MDM1: variants seen among roughly 807,000 people sequenced by gnomAD.
MDM1 encodes the protein stabilizer of axonemal microtubules 6.
Under a neutral mutation model 89.1 loss-of-function variants are expected in MDM1, and 61 were observed. The ratio of observed to expected loss-of-function variants is 0.68; its 90% CI spans 0.56 to 0.85. The LOEUF is 0.85. MDM1 is among the 40% of genes least tolerant of loss of function. The pLI, the probability that MDM1 is intolerant of heterozygous loss-of-function variation, is 0.00. For synonymous variants in MDM1, 290 were observed against 294.1 expected (o/e 0.99, Z 0.14); for missense variants, 820 against 846.5 (o/e 0.97, Z 0.39).
chr12:68,294,775 ATTATC>A lies in MDM1; in HGVS notation c.*474_*478del, dbSNP rs1565759787. On this transcript the variant is annotated 3_prime_UTR_variant, in exon 15 of 15. Coordinates refer to ENST00000682720, the MANE Select transcript of MDM1 (RefSeq NM_001354969.2). ...ATACAGCTGGTGTTTTCAAAGTACA[ATTATC>A]TTAACACTGCAAACATGTATAGAAG... 6.6e-6 allele frequency: 1 copy of A among 152,244 alleles called. No homozygotes were observed. Among genetic ancestry groups the A allele is most frequent in the African/African-American group, 2.4e-5 (1 of 41,458 alleles). 9.4% of individuals were successfully genotyped at this position (152,244 alleles called of 1,614,324 possible).
intron 1 of MDM1, 105 bp downstream of exon 1, chr12:68,332,123 G>C: frequency 6.7e-7 from 1 of 1,481,820 alleles, no homozygotes; most frequent in Admixed American, 2.0e-5. Context: ...AGCTTCCGCC[G>C]GGCAGAGGGC....
At chr12:68,326,239 C>T in intron 3 of MDM1, 2 of 1,138,312 alleles carry the variant, frequency 1.8e-6, no homozygotes, top group Non-Finnish European at 2.2e-6. Context: ...CTTCCTTTTG[C>T]ATTTCATCAA....
intron 2 of MDM1, 187 bp from the exon 3 acceptor site, chr12:68,327,208 AT>A: frequency 7.1e-7 from 1 of 1,398,922 alleles, no homozygotes; most frequent in Non-Finnish European, 9.3e-7. Context: ...AAAATATTTA[AT>A]TTTGCTTTTA....
chr12:68,323,881 G>GT (rs1875584453), intron 4 of MDM1, among the ~76,000 whole-genome samples: 1 of 152,150 alleles, frequency 6.6e-6, no homozygotes, highest in South Asian at 2.1e-4. Context: ...GATCTAAACA[G>GT]TTTATCTTTT....
chr12:68,300,710 T>C (rs1872031341), intron 13 of MDM1, among the ~76,000 whole-genome samples: 1 of 152,188 alleles, frequency 6.6e-6, no homozygotes, highest in Non-Finnish European at 1.5e-5. Flanking sequence ...GACATAATAA[T>C]AGCGAGTGAC....
intron 4 of MDM1, chr12:68,325,150 C>A (rs1280140861): frequency 9.8e-7 from 1 of 1,017,744 alleles, no homozygotes; most frequent in African/African-American, 1.7e-5. Flanking sequence ...GTAAAAAAAT[C>A]TTGTAGCATG....
At chr12:68,323,021 G>C in intron 5 of MDM1, 52 bp downstream of exon 5, 1 of 1,535,326 alleles carries the variant, frequency 6.5e-7, no homozygotes, top group Non-Finnish European at 8.8e-7. Flanking sequence ...AAAACGTGGA[G>C]AATCTAAAAT....
At chr12:68,316,505 C>CG in intron 8 of MDM1, 76 bp downstream of exon 8, 4 of 1,238,912 alleles carry the variant, frequency 3.2e-6, no homozygotes. Context: ...AAAATATTGA[C>CG]ACCTACTTTT....
chr12:68,312,623 A>C (rs1472289388), intron 12 of MDM1, among the ~76,000 whole-genome samples: 1 of 152,196 alleles, frequency 6.6e-6, no homozygotes, highest in East Asian at 1.9e-4. Flanking sequence ...TTGGAAAAAA[A>C]CTAAATAAAA....
In MDM1 at chr12:68,313,516, G is replaced by A. The variant is rs1873995475; in HGVS notation, c.1676C>T (p.Pro559Leu). The change falls in exon 12 of 15, where the codon CCT becomes CTT. Residue 559 changes from proline to leucine, a missense_variant. Physicochemically the swap from Pro to Leu is moderately conservative, Grantham distance 98. Transcript: ENST00000682720. ...TCTTTTCCTCTGTTCTGGGGCTGGA[G>A]GCTTCATCTTAGATGGAGACACTAA... ...AVLVSPSKMKPPAPEQRKRMT... is the reference protein window; with the variant it reads ...AVLVSPSKMKLPAPEQRKRMT... 6.2e-7 allele frequency: 1 copy of A among 1,613,930 alleles called. No individual in the cohort carries two copies. The highest frequency in any genetic ancestry group is 8.5e-7 in the Non-Finnish European group (1 of 1,179,890).
intron 7 of MDM1, among the ~76,000 whole-genome samples, chr12:68,317,280 T>TA (rs1874624734): frequency 6.6e-6 from 1 of 151,884 alleles, no homozygotes; most frequent in African/African-American, 2.4e-5. Context: ...TTCCACAATG[T>TA]AAAAAAAATT....
Position 68,321,843 on chromosome 12 carries a change from T to C in MDM1, c.802-215A>G, listed in dbSNP as rs1444760110. Among the ~76,000 whole-genome samples, 6 of 152,214 alleles carry C rather than the reference T, an allele frequency of 3.9e-5. No homozygotes were observed. The South Asian group carries it at 8.3e-4, about 21-fold the overall frequency. ...TATTTTTGAAGTTTAGCTGAGGATA[T>C]AGTTTCATTTTCTAACAATAAAGAT... On this transcript the variant is annotated intron_variant, in intron 5 of 14. Transcript: ENST00000682720.
chr12:68,327,261 G>T (rs1054418928), intron 2 of MDM1: 1 of 1,405,350 alleles, frequency 7.1e-7, no homozygotes, highest in Admixed American at 3.0e-5. Context: ...TTAAAAATCA[G>T]GGGGTCACAA....
chr12:68,315,591 G>A (rs1035691196), intron 9 of MDM1, among the ~76,000 whole-genome samples: 1 of 152,100 alleles, frequency 6.6e-6, no homozygotes, highest in African/African-American at 2.4e-5. Flanking sequence ...AGGACCCCAT[G>A]GTCTAAGTTC....
chr12:68,327,879 A>C (rs1351914442), intron 2 of MDM1, among the ~76,000 whole-genome samples: 2 of 152,192 alleles, frequency 1.3e-5, no homozygotes, highest in African/African-American at 4.8e-5. Flanking sequence ...CTGGAGGCAC[A>C]CAAAGATGTT....
At chr12:68,327,170 G>C (rs1185897171) in intron 2 of MDM1, 149 bp from the exon 3 acceptor site, 1 of 1,390,992 alleles carries the variant, frequency 7.2e-7, no homozygotes, top group Non-Finnish European at 9.3e-7. Flanking sequence ...TCAGATTATA[G>C]GATTTTAAAA....
chr12:68,314,650 C>T (rs565927431), intron 10 of MDM1, among the ~76,000 whole-genome samples: 1 of 152,190 alleles, frequency 6.6e-6, no homozygotes, highest in African/African-American at 2.4e-5. Flanking sequence ...GTCATTCTTC[C>T]AGACACATTT....
At chr12:68,331,648 T>C (rs1565790737) in intron 1 of MDM1, among the ~76,000 whole-genome samples, 1 of 152,216 alleles carries the variant, frequency 6.6e-6, no homozygotes, top group Non-Finnish European at 1.5e-5. Flanking sequence ...CCTTCCATTC[T>C]GAATACACGC....
rs1012083179 is a variant in MDM1 at position 68,325,075 on chromosome 12, C to T, written c.633+366G>A. 2.1e-5 allele frequency: 20 copies of T among 953,458 alleles called. No homozygotes were observed. In the South Asian group the frequency reaches 4.4e-4, roughly 21 times the overall value. The allele number at this position is 953,458 out of a possible 1,614,324, so 59.1% of individuals were successfully genotyped here. The stretch of plus-strand genomic sequence containing the variant: ...CGCCTTTCTTAGAATACAGGAAACA[C>T]GCAATATATTAGTCAACAAAACACA... On this transcript the variant is annotated intron_variant, in intron 4 of 14. Coordinates refer to ENST00000682720, the MANE Select transcript of MDM1 (RefSeq NM_001354969.2).
Sources: gnomAD v4.1 joint callset for allele counts (sites outside exome capture counted in the v4.1 genomes callset) on GRCh38, gnomAD v4.1.1 for gene constraint, MANE v1.5 for transcripts, NCBI Gene and HGNC (gene_info 2026-07-23, HGNC 2026-07-21) for gene names.